Variants in SLC33A1 observed in about 807,000 individuals in gnomAD.
SLC33A1 encodes acetyl-coenzyme A transporter 1.
Under a neutral mutation model 50.0 loss-of-function variants are expected in SLC33A1, and 20 were observed. The ratio of observed to expected loss-of-function variants is 0.40; its 90% CI spans 0.28 to 0.58. The LOEUF is 0.58. Among genes scored for constraint, SLC33A1 ranks in the 20% least tolerant of loss-of-function variants. The probability of loss-of-function intolerance (pLI) is 0.44; values close to 1 mark genes in which losing one functional copy is unlikely to be tolerated. For missense variants in SLC33A1, 476 were observed against 657.0 expected (o/e 0.72, Z 3.01); for synonymous variants, 265 against 251.8 (o/e 1.05, Z -0.50).
chr3:155,852,128 A>G (rs1044990336), intron 1 of SLC33A1, among the ~76,000 whole-genome samples: 15 of 152,182 alleles, frequency 9.9e-5, no homozygotes, highest in African/African-American at 3.4e-4. Flanking sequence ...CTTGTTTTCT[A>G]GTTGTTACAA....
chr3:155,838,250 C>G (rs1216497827), intron 2 of SLC33A1, among the ~76,000 whole-genome samples: 1 of 150,290 alleles, frequency 6.7e-6, no homozygotes, highest in Non-Finnish European at 1.5e-5. Flanking sequence ...TTGTGGTGAG[C>G]TGAGATCATG....
intron 1 of SLC33A1, 120 bp from the exon 2 acceptor site, chr3:155,842,739 G>T: frequency 1.7e-6 from 1 of 599,898 alleles, no homozygotes; most frequent in Non-Finnish European, 2.7e-6. Context: ...CCAAGTACAG[G>T]TGCTCATGCC....
At position 155,828,177 on chromosome 3, in the gene SLC33A1, A is replaced by G; in HGVS notation, c.*33T>C. 6.6e-7 allele frequency: 1 copy of G among 1,506,892 alleles called. No individual in the cohort carries two copies. Among genetic ancestry groups the G allele is most frequent in the African/African-American group, 1.4e-5 (1 of 72,934 alleles). The allele number at this position is 1,506,892 out of a possible 1,614,324, so 93.3% of individuals were successfully genotyped here. A position where few individuals can be genotyped will look rare whatever the true frequency, so the allele number is the denominator to read the frequency against. On this transcript the variant is annotated 3_prime_UTR_variant, in exon 6 of 6. Transcript: ENST00000643144. ...CTCTCCGAATTAAAACTAAACTACA[A>G]TTACCTTGCTAGAATGTCCAGTAGC...
At position 155,826,638 on chromosome 3, in the gene SLC33A1, T is replaced by C. The variant is rs918833322; in HGVS notation, c.*1572A>G. Reference sequence around the variant, plus strand: ...TGGTTTGGTGTAGCCTCCTTGCCTCTAGGATGGGATTTTTTCCAGGTGATT... The same window carrying C: ...TGGTTTGGTGTAGCCTCCTTGCCTCCAGGATGGGATTTTTTCCAGGTGATT... On this transcript the variant is annotated 3_prime_UTR_variant, in exon 6 of 6. Transcript: ENST00000643144. 1 of 152,122 alleles carries C rather than the reference T, an allele frequency of 6.6e-6. No individual in the cohort carries two copies. The highest frequency in any genetic ancestry group is 1.5e-5 in the Non-Finnish European group (1 of 68,034). 9.4% of individuals were successfully genotyped at this position (152,122 alleles called of 1,614,324 possible). A position where few individuals can be genotyped will look rare whatever the true frequency, so the allele number is the denominator to read the frequency against.
intron 4 of SLC33A1, among the ~76,000 whole-genome samples, chr3:155,832,517 C>T (rs906386333): frequency 6.6e-6 from 1 of 151,360 alleles, no homozygotes; most frequent in African/African-American, 2.4e-5. Flanking sequence ...AAGAATAAGT[C>T]AAAACTTTCA....
At chr3:155,835,702 G>A (rs777873869) in intron 2 of SLC33A1, among the ~76,000 whole-genome samples, 1 of 152,072 alleles carries the variant, frequency 6.6e-6, no homozygotes, top group African/African-American at 2.4e-5. Context: ...TATATAAATG[G>A]TGCACCTGGA....
At position 155,826,094 on chromosome 3, in the gene SLC33A1, CTA is replaced by C. The variant is rs1299906311; in HGVS notation, c.*2114_*2115del. On this transcript the variant is annotated 3_prime_UTR_variant, in exon 6 of 6. Coordinates refer to ENST00000643144, the MANE Select transcript of SLC33A1 (RefSeq NM_004733.4). ...CATTAAAGATGTACTGACATTAAAA[CTA>C]TGTTTGAAGGCTGGGCGCAGTGGCT... The C allele has an allele frequency of 1.3e-5, 2 of 152,220 alleles. No individual in the cohort carries two copies. Among genetic ancestry groups the C allele is most frequent in the East Asian group, 3.9e-4 (2 of 5,184 alleles). 9.4% of individuals were successfully genotyped at this position (152,220 alleles called of 1,614,324 possible).
At chr3:155,843,686 A>G (rs1560019479) in intron 1 of SLC33A1, among the ~76,000 whole-genome samples, 1 of 148,054 alleles carries the variant, frequency 6.8e-6, no homozygotes, top group Non-Finnish European at 1.5e-5. Context: ...ACAGCCCAAT[A>G]GATCCTTTAC....
chr3:155,839,929 A>G (rs1483456375), intron 2 of SLC33A1, among the ~76,000 whole-genome samples: 1 of 152,014 alleles, frequency 6.6e-6, no homozygotes, highest in East Asian at 1.9e-4. Flanking sequence ...TAGGCAACAG[A>G]GTGAGACTCA....
Position 155,853,226 on chromosome 3 carries a change from A to C in SLC33A1, c.772T>G (p.Ser258Ala). Residue 258 changes from serine to alanine, a missense_variant, in exon 1 of 6, where the codon TCA (serine) becomes GCA (alanine). Transcript: ENST00000643144. ...CATAATAGCTTAAATACACTACCTG[A>C]AAGAGTAACGATTCCTCTGGGTTGA... ...QPQPRGIVTL[S>A]DFLFFWGTVF... 2 of 1,612,932 alleles carry C rather than the reference A, an allele frequency of 1.2e-6. No individual in the cohort carries two copies. The highest frequency in any genetic ancestry group is 2.2e-5 in the South Asian group (2 of 91,058).
rs752176657 is a variant in SLC33A1 at position 155,848,283 on chromosome 3, G to A, written c.775+4940C>T. 4.6e-5 allele frequency among the ~76,000 whole-genome samples: 7 copies of A among 152,278 alleles called. No individual in the cohort carries two copies. In the East Asian group the frequency reaches 5.8e-4, roughly 13 times the overall value. ...GTCAAGTGGCAGGAACTACAGATGCGTGCCACTGTGCTCAGCTAAAGACAT... is the reference window on the plus strand; with the variant it reads ...GTCAAGTGGCAGGAACTACAGATGCATGCCACTGTGCTCAGCTAAAGACAT... On this transcript the variant is annotated intron_variant, in intron 1 of 5. Transcript: ENST00000643144.
rs1036929804 is a variant in SLC33A1, at chr3:155,822,351, G to C, written c.*5859C>G. 2 of 152,020 alleles carry C rather than the reference G, an allele frequency of 1.3e-5. No individual in the cohort carries two copies. Among genetic ancestry groups the C allele is most frequent in the African/African-American group, 4.8e-5 (2 of 41,390 alleles). 9.4% of individuals were successfully genotyped at this position (152,020 alleles called of 1,614,324 possible). On this transcript the variant is annotated 3_prime_UTR_variant, in exon 6 of 6. Coordinates refer to ENST00000643144, the MANE Select transcript of SLC33A1 (RefSeq NM_004733.4). ...ACCTGCAATCCCAGCACTTTGGGAG[G>C]CCGAGGCAGGCAGATCACGAGGTCA...
chr3:155,833,869 G>A lies in SLC33A1; in HGVS notation c.1136C>T (p.Ala379Val). Residue 379 changes from alanine to valine, a missense_variant, in exon 3 of 6, where the codon GCC becomes GTC. Coordinates refer to ENST00000643144, the MANE Select transcript of SLC33A1 (RefSeq NM_004733.4). ...ATTTCATTTTTACCTGTAGGGCATG[G>A]CTTTGTAAAATGTGTTTAATGGCTG... Reference protein sequence around the residue: ...GPQPLNTFYKAMPYRLLLGLE... With the variant: ...GPQPLNTFYKVMPYRLLLGLE... The A allele has an allele frequency of 6.2e-7, 1 of 1,612,968 alleles. No individual in the cohort carries two copies. Among genetic ancestry groups the A allele is most frequent in the Non-Finnish European group, 8.5e-7 (1 of 1,179,316 alleles).
rs965554705 is a variant in SLC33A1, at chr3:155,824,442, A to G, written c.*3768T>C. On this transcript the variant is annotated 3_prime_UTR_variant, in exon 6 of 6. Coordinates refer to ENST00000643144, the MANE Select transcript of SLC33A1 (RefSeq NM_004733.4). ...TAATAAGGCAAAATAAAAGTCACTC[A>G]GAAAAAAAAGGTTAAATCATGAAGA... is the stretch of plus-strand genomic sequence containing the variant. 5 of 152,206 alleles carry G rather than the reference A, an allele frequency of 3.3e-5. No homozygotes were observed. Among genetic ancestry groups the G allele is most frequent in the Non-Finnish European group, 7.4e-5 (5 of 68,022 alleles). The allele number at this position is 152,206 out of a possible 1,614,324, so 9.4% of individuals were successfully genotyped here.
chr3:155,853,553 A>G lies in SLC33A1; in HGVS notation c.445T>C (p.Tyr149His). 1 of 1,614,164 alleles carries G rather than the reference A, an allele frequency of 6.2e-7. No individual in the cohort carries two copies. Among genetic ancestry groups the G allele is most frequent in the South Asian group, 1.1e-5 (1 of 91,088 alleles). The change falls in exon 1 of 6, where the codon TAT becomes CAT. Residue 149 changes from tyrosine to histidine, a missense_variant. Coordinates refer to ENST00000643144, the MANE Select transcript of SLC33A1 (RefSeq NM_004733.4). ...RRKSWLVPTQ[Y>H]ILGLFMIYLS... ...TAGATCATGAAGAGTCCTAGTATAT[A>G]CTGTGTCGGGACAAGCCAAGATTTG...
intron 4 of SLC33A1, among the ~76,000 whole-genome samples, chr3:155,831,440 A>G (rs1027589372): frequency 6.1e-5 from 8 of 132,188 alleles, no homozygotes; most frequent in Non-Finnish European, 9.4e-5. Flanking sequence ...CCTGGGCAAC[A>G]GAGTGAGACT....
chr3:155,833,401 G>C (rs1226625335), intron 4 of SLC33A1, 67 bp downstream of exon 4: 4 of 821,224 alleles, frequency 4.9e-6, no homozygotes, highest in Admixed American at 1.7e-5. Flanking sequence ...TAAGACAACT[G>C]TAGAAAGCTG....
Position 155,829,753 on chromosome 3 carries a change from G to T in SLC33A1, c.1417C>A (p.Pro473Thr), listed in dbSNP as rs1752335200. The T allele has an allele frequency of 6.2e-7, 1 of 1,614,002 alleles. No homozygotes were observed. The highest frequency in any genetic ancestry group is 8.5e-7 in the Non-Finnish European group (1 of 1,179,940). Residue 473 changes from proline to threonine, a missense_variant, in exon 5 of 6, where the codon CCC becomes ACC. Coordinates refer to ENST00000643144, the MANE Select transcript of SLC33A1 (RefSeq NM_004733.4). ...CCTACACACTCTTTTACTGTGAGGG[G>T]ATCTACAAGCCAAAGAGCTACTGTA... Reference protein sequence around the residue: ...PSTVALWLVDPLTVKECVGAS... With the variant: ...PSTVALWLVDTLTVKECVGAS...
chr3:155,831,457 CAAAAAAAAAAAAAA>C (rs397991448), intron 4 of SLC33A1, among the ~76,000 whole-genome samples: 1,603 of 46,834 alleles, frequency 0.034, 48 homozygotes, highest in Admixed American at 0.16. Context: ...GACTCTGTCT[CAAAAAAAAAAAAAA>C]AAAAAAAAAA....
Sources: allele counts gnomAD v4.1 joint callset (sites outside exome capture counted in the v4.1 genomes callset), GRCh38; gene constraint gnomAD v4.1.1; transcripts MANE v1.5; gene names NCBI Gene and HGNC (gene_info 2026-07-23, HGNC 2026-07-21).